Variants in CHID1 observed in about 807,000 individuals in gnomAD.
The protein encoded by CHID1 is chitinase domain-containing protein 1.
Under a neutral mutation model 55.4 loss-of-function variants are expected in CHID1, and 44 were observed. The ratio of observed to expected loss-of-function variants is 0.79; its 90% CI spans 0.62 to 1.02. CHID1 has a LOEUF of 1.02. Ranked by LOEUF, CHID1 falls within the 50% of genes least tolerant of loss-of-function variation. The pLI, the probability that CHID1 is intolerant of heterozygous loss-of-function variation, is 0.00. For missense variants in CHID1, 491 were observed against 515.3 expected (o/e 0.95, Z 0.46); for synonymous variants, 216 against 212.9 (o/e 1.01, Z -0.13).
intron 6 of CHID1, 54 bp downstream of exon 6, chr11:899,950 C>T (rs1442753732): frequency 7.2e-6 from 10 of 1,394,544 alleles, no homozygotes; most frequent in Non-Finnish European, 1.0e-5. Flanking sequence ...GCCAGACGGC[C>T]AGGTGGGACC....
At chr11:890,374 T>C (rs907289483) in intron 8 of CHID1, among the ~76,000 whole-genome samples, 3 of 152,232 alleles carry the variant, frequency 2.0e-5, no homozygotes, top group Admixed American at 6.5e-5. Context: ...ATGCGTCACC[T>C]TTCTCTGACT....
At chr11:880,682 CA>C (rs1849850944) in intron 10 of CHID1, among the ~76,000 whole-genome samples, 2 of 152,272 alleles carry the variant, frequency 1.3e-5, no homozygotes, top group Middle Eastern at 3.4e-3. Context: ...CAGGAGGAAT[CA>C]GGGGTGATGG....
At chr11:878,047 C>T (rs2134139856) in intron 10 of CHID1, among the ~76,000 whole-genome samples, 1 of 152,374 alleles carries the variant, frequency 6.6e-6, no homozygotes, top group South Asian at 2.1e-4. Flanking sequence ...CCTCCGGACT[C>T]TTCGGAGTCC....
intron 2 of CHID1, among the ~76,000 whole-genome samples, chr11:904,125 G>A (rs1369086363): frequency 2.6e-5 from 4 of 152,226 alleles, no homozygotes; most frequent in Admixed American, 2.0e-4. Context: ...CTCGCCCCAA[G>A]CGGCCCCGTG....
At position 899,993 on chromosome 11, in the gene CHID1, A is replaced by G. The variant is rs753076006; in HGVS notation, c.546+11T>C. 2 of 1,597,910 alleles carry G rather than the reference A, an allele frequency of 1.3e-6. No homozygotes were observed. The highest frequency in any genetic ancestry group is 1.1e-5 in the South Asian group (1 of 90,746). ...CTGTGCTCAGAGGCTGGAGCAGCAC[A>G]CAGGTCTCACCTTTGCCACCTGGAC... On this transcript the variant is annotated intron_variant, in intron 6 of 12. Transcript: ENST00000323578.
intron 1 of CHID1, among the ~76,000 whole-genome samples, chr11:910,162 G>A (rs1252106069): frequency 6.6e-6 from 1 of 152,130 alleles, no homozygotes; most frequent in Non-Finnish European, 1.5e-5. Flanking sequence ...CGAGGCGGAC[G>A]GGCGGGCGGG....
At chr11:898,484 GGAGT>G (rs1851553388) in intron 7 of CHID1, among the ~76,000 whole-genome samples, 1 of 152,354 alleles carries the variant, frequency 6.6e-6, no homozygotes, top group African/African-American at 2.4e-5. Flanking sequence ...TGCAACCAGT[GGAGT>G]GAGAGGAGTC....
intron 7 of CHID1, among the ~76,000 whole-genome samples, chr11:896,494 C>CACA (rs1851306892): frequency 3.9e-5 from 5 of 128,280 alleles, no homozygotes; most frequent in Non-Finnish European, 4.9e-5. Flanking sequence ...CCACCCCAGA[C>CACA]ATGAGGCTGT....
At chr11:903,591 G>A (rs573525561) in intron 2 of CHID1, 7 of 216,022 alleles carry the variant, frequency 3.2e-5, no homozygotes, top group Admixed American at 5.6e-5. Context: ...GACCAGCCTG[G>A]TCAACATGGT....
chr11:902,438 G>T, intron 3 of CHID1, 108 bp from the exon 4 acceptor site: 1 of 1,263,956 alleles, frequency 7.9e-7, no homozygotes, highest in Non-Finnish European at 1.1e-6. Flanking sequence ...GGCCAGCGTA[G>T]ACAGATACCA....
At position 868,242 on chromosome 11, in the gene CHID1, G is replaced by C. The variant is rs1848975608; in HGVS notation, c.*1616C>G. On this transcript the variant is annotated 3_prime_UTR_variant, in exon 13 of 13. Transcript: ENST00000323578. ...AGCGTCAGCACCTCTGGGGAGACAA[G>C]GTCAGTGCCCCAAAGCCAGTGGCAG... The C allele has an allele frequency of 6.6e-6, 1 of 151,942 alleles. No homozygotes were observed. Among genetic ancestry groups the C allele is most frequent in the Non-Finnish European group, 1.5e-5 (1 of 68,016 alleles). The allele number at this position is 151,942 out of a possible 1,614,324, so 9.4% of individuals were successfully genotyped here.
chr11:900,098 A>G lies in CHID1; in HGVS notation c.452T>C (p.Leu151Pro), dbSNP rs1223932398. ...ATCATCGTAAGTCCAGTCCTCAAAC[A>G]GGAGCCGAGGCACTGCAGGGGCAAC... ...AKGLHIVPRL[L>P]FEDWTYDDFR... Residue 151 changes from leucine to proline, a missense_variant, in exon 6 of 13, where the codon CTG (leucine) becomes CCG (proline). Leu to Pro is a moderately conservative substitution (Grantham distance 98). Coordinates refer to ENST00000323578, the MANE Select transcript of CHID1 (RefSeq NM_023947.4). 6.2e-7 allele frequency: 1 copy of G among 1,613,586 alleles called. No individual in the cohort carries two copies. Among genetic ancestry groups the G allele is most frequent in the Non-Finnish European group, 8.5e-7 (1 of 1,179,820 alleles).
In CHID1 at chr11:881,573, T is replaced by C; in HGVS notation, c.959+1575A>G. ...CCACGTCGGGCGGTAGGTTGGGTGG[T>C]GAGGGAAAGGACCACGTCGGGCGGT... On this transcript the variant is annotated intron_variant, in intron 10 of 12. Coordinates refer to ENST00000323578, the MANE Select transcript of CHID1 (RefSeq NM_023947.4). Among the ~76,000 whole-genome samples the C allele has an allele frequency of 2.1e-4, 4 of 19,430 alleles. 2 individuals are homozygous for C. Among genetic ancestry groups the C allele is most frequent in the African/African-American group, 7.6e-4 (4 of 5,246 alleles). The allele number at this position is 19,430 out of a possible 152,430, so 12.7% of individuals were successfully genotyped here. A position where few individuals can be genotyped will look rare whatever the true frequency, so the allele number is the denominator to read the frequency against.
chr11:869,473 A>G lies in CHID1; in HGVS notation c.*385T>C, dbSNP rs1849025284. The stretch of plus-strand genomic sequence containing the variant: ...GAGCTGTCCCTGCGAGGGCCCTCGA[A>G]TCCAGGAGTGGGCGAGTCCGGGATG... On this transcript the variant is annotated 3_prime_UTR_variant, in exon 13 of 13. Transcript: ENST00000323578. 4 of 275,502 alleles carry G rather than the reference A, an allele frequency of 1.5e-5. No individual in the cohort carries two copies. In the East Asian group the frequency reaches 2.5e-4, roughly 17 times the overall value. The allele number at this position is 275,502 out of a possible 1,614,324, so 17.1% of individuals were successfully genotyped here.
rs558182621 is a variant in CHID1 at position 882,755 on chromosome 11, A to G, written c.959+393T>C. The stretch of plus-strand genomic sequence containing the variant: ...TAAAGTAAAGTAATGCCAACAAGAA[A>G]CCACACTCGCAGAGCATACCAAGAA... On this transcript the variant is annotated intron_variant, in intron 10 of 12. Coordinates refer to ENST00000323578, the MANE Select transcript of CHID1 (RefSeq NM_023947.4). Among the ~76,000 whole-genome samples, 20 of 152,294 alleles carry G rather than the reference A, an allele frequency of 1.3e-4. No homozygotes were observed. In the South Asian group the frequency reaches 4.1e-3, roughly 32 times the overall value.
At chr11:883,522 G>A (rs1850160359) in intron 9 of CHID1, among the ~76,000 whole-genome samples, 1 of 152,100 alleles carries the variant, frequency 6.6e-6, no homozygotes, top group African/African-American at 2.4e-5. Context: ...AGAAAGGGCT[G>A]TCAGCAGAGT....
At position 884,900 on chromosome 11, in the gene CHID1, C is replaced by A. The variant is rs7942360; in HGVS notation, c.702-731G>T. ...GGACCTGCTCCTTCCTGACCTGGATCCACTGGGGACTAGTGTCTCCTGGGG... is the reference window on the plus strand; with the variant it reads ...GGACCTGCTCCTTCCTGACCTGGATACACTGGGGACTAGTGTCTCCTGGGG... On this transcript the variant is annotated intron_variant, in intron 8 of 12. Transcript: ENST00000323578. 4.8e-3 allele frequency among the ~76,000 whole-genome samples: 725 copies of A among 152,354 alleles called. 9 individuals are homozygous for A. Among genetic ancestry groups the A allele is most frequent in the African/African-American group, 0.016 (680 of 41,594 alleles).
At chr11:899,726 G>A (rs1429202783) in intron 6 of CHID1, among the ~76,000 whole-genome samples, 3 of 152,240 alleles carry the variant, frequency 2.0e-5, no homozygotes, top group African/African-American at 7.2e-5. Context: ...CCCCTCCCAG[G>A]AGGGTAGCAG....
intron 10 of CHID1, among the ~76,000 whole-genome samples, chr11:876,642 C>T (rs946285369): frequency 2.6e-5 from 4 of 152,202 alleles, no homozygotes; most frequent in Admixed American, 2.0e-4. Flanking sequence ...CTAGAGTGGG[C>T]GTGCCCTCCC....
Sources: allele counts gnomAD v4.1 joint callset (sites outside exome capture counted in the v4.1 genomes callset), GRCh38; gene constraint gnomAD v4.1.1; transcripts MANE v1.5; gene names NCBI Gene and HGNC (gene_info 2026-07-23, HGNC 2026-07-21).